Variants in DMD observed in about 807,000 individuals in gnomAD.
DMD encodes the protein dystrophin.
In DMD, 63 loss-of-function variants were observed where a neutral mutation model predicts 330.1. The ratio of observed to expected loss-of-function variants is 0.19; its 90% CI spans 0.16 to 0.24. The LOEUF is 0.24. Among genes scored for constraint, DMD ranks in the 10% least tolerant of loss-of-function variants. DMD has a pLI of 1.00. For synonymous variants in DMD, 1,223 were observed against 959.8 expected, an observed-to-expected ratio of 1.27 and a Z score of -5.07; for missense variants, 3,344 against 2,684.1, an observed-to-expected ratio of 1.25 and a Z score of -5.43.
At chrX:32,178,066 C>A (rs745664410) in intron 44 of DMD, among the ~76,000 whole-genome samples, 2 of 106,996 alleles carry the variant, frequency 1.9e-5, no homozygotes, top group Non-Finnish European at 3.8e-5. Context: ...AACAATGTTG[C>A]GGATGTTAGA....
intron 55 of DMD, among the ~76,000 whole-genome samples, chrX:31,522,363 C>CTCTCTCTCTATATATATATATA: frequency 8.1e-4 from 29 of 35,966 alleles, no homozygotes; most frequent in African/African-American, 1.1e-3. Context: ...CTCTCTCTCT[C>CTCTCTCTCTATATATATATATA]TATATATATA....
intron 55 of DMD, among the ~76,000 whole-genome samples, chrX:31,622,733 A>C (rs2078605335): frequency 9.3e-6 from 1 of 108,063 alleles, no homozygotes; most frequent in African/African-American, 3.4e-5. Flanking sequence ...ACCCCCCAAA[A>C]AAGAAAGAAA....
chrX:32,421,523 T>G (rs2098189757), intron 29 of DMD, among the ~76,000 whole-genome samples: 1 of 111,729 alleles, frequency 9.0e-6, no homozygotes, highest in East Asian at 2.8e-4. Flanking sequence ...ACTCGTGTGT[T>G]TATATGAGCA....
At chrX:32,676,734 C>T (rs1049978080) in intron 9 of DMD, among the ~76,000 whole-genome samples, 9 of 111,072 alleles carry the variant, frequency 8.1e-5, no homozygotes, top group Non-Finnish European at 1.5e-4. Flanking sequence ...AATGTTAGCC[C>T]GTGTCTTTAA....
intron 1 of DMD, among the ~76,000 whole-genome samples, chrX:33,023,355 T>C (rs772709418): frequency 4.6e-4 from 51 of 111,928 alleles, no homozygotes; most frequent in African/African-American, 1.6e-3. Context: ...CAGTTCAACA[T>C]TATGAAAACC....
chrX:32,601,216 C>T lies in DMD; in HGVS notation c.1483-5340G>A, dbSNP rs73461792. Among the ~76,000 whole-genome samples the T allele has an allele frequency of 8.6e-3, 956 of 111,380 alleles. 14 individuals carry two copies. Among genetic ancestry groups the T allele is most frequent in the African/African-American group, 0.029 (895 of 30,737 alleles). ...CCTGGCTGGTCACAGTATTGTCTAG[C>T]TTTCCATGAAGATCTATTTACGGTA... is the stretch of plus-strand genomic sequence containing the variant. On this transcript the variant is annotated intron_variant, in intron 12 of 78. Transcript: ENST00000357033.
intron 76 of DMD, among the ~76,000 whole-genome samples, chrX:31,143,393 C>G (rs1390052802): frequency 1.8e-5 from 2 of 111,491 alleles, no homozygotes; most frequent in African/African-American, 6.5e-5. Flanking sequence ...TCACCTTCCC[C>G]CATGATTGTA....
intron 2 of DMD, among the ~76,000 whole-genome samples, chrX:32,898,118 G>C (rs2085898367): frequency 8.9e-6 from 1 of 111,893 alleles, no homozygotes; most frequent in East Asian, 2.8e-4. Flanking sequence ...GTTCTGATGA[G>C]ATGTTTTGCT....
At chrX:32,407,565 C>A (rs373395564) in intron 30 of DMD, among the ~76,000 whole-genome samples, 2 of 110,813 alleles carry the variant, frequency 1.8e-5, no homozygotes, top group Non-Finnish European at 3.8e-5. Context: ...GTCACTGTGG[C>A]GATTCCTCAG....
chrX:33,080,492 T>G (rs865974114), intron 1 of DMD, among the ~76,000 whole-genome samples: 1 of 111,940 alleles, frequency 8.9e-6, no homozygotes. Flanking sequence ...AAACTGTTTC[T>G]CCAGTAACCT....
intron 44 of DMD, among the ~76,000 whole-genome samples, chrX:32,043,521 T>C (rs1240336293): frequency 1.8e-5 from 2 of 112,423 alleles, no homozygotes; most frequent in Admixed American, 1.9e-4. Flanking sequence ...TTTATTTTAA[T>C]TGAGTTAAAG....
chrX:32,611,686 T>A (rs1429528859), intron 12 of DMD, among the ~76,000 whole-genome samples: 1 of 111,624 alleles, frequency 9.0e-6, no homozygotes, highest in African/African-American at 3.2e-5. Flanking sequence ...TACTTAGCTA[T>A]GCTAACATTC....
intron 44 of DMD, among the ~76,000 whole-genome samples, chrX:32,008,909 C>A (rs1472894569): frequency 2.1e-4 from 23 of 111,103 alleles, no homozygotes; most frequent in Non-Finnish European, 4.3e-4. Context: ...TTTGCATGAA[C>A]CCAGAATATG....
chrX:32,833,460 A>G (rs1342202403), intron 4 of DMD, among the ~76,000 whole-genome samples: 1 of 110,642 alleles, frequency 9.0e-6, no homozygotes, highest in Non-Finnish European at 1.9e-5. Flanking sequence ...AAACTCAACA[A>G]AATTCCTTAT....
chrX:32,457,224 C>T (rs1338438709), intron 25 of DMD, among the ~76,000 whole-genome samples: 3 of 110,330 alleles, frequency 2.7e-5, no homozygotes, highest in Non-Finnish European at 3.8e-5. Flanking sequence ...TTTAGTAATA[C>T]GAATTCACTG....
chrX:32,870,482 C>T (rs12687584), intron 2 of DMD, among the ~76,000 whole-genome samples: 1 of 111,837 alleles, frequency 8.9e-6, no homozygotes, highest in African/African-American at 3.2e-5. Flanking sequence ...CAAGACAATC[C>T]TAAGCAAAAA....
At chrX:33,006,591 A>G (rs1037333064) in intron 2 of DMD, among the ~76,000 whole-genome samples, 1 of 111,579 alleles carries the variant, frequency 9.0e-6, no homozygotes, top group South Asian at 3.8e-4. Flanking sequence ...CAGAAGAGAG[A>G]CAAAGATCAA....
chrX:31,488,773 T>A (rs939426537), intron 57 of DMD, among the ~76,000 whole-genome samples: 7 of 112,046 alleles, frequency 6.2e-5, no homozygotes, highest in Non-Finnish European at 1.1e-4. Context: ...GTCTTCAGTT[T>A]CGCTCTTTTT....
At chrX:32,969,004 G>A (rs1216742953) in intron 2 of DMD, among the ~76,000 whole-genome samples, 1 of 81,360 alleles carries the variant, frequency 1.2e-5, no homozygotes, top group Non-Finnish European at 2.3e-5. Flanking sequence ...CTCCAGCCTG[G>A]GAGACAGAAT....
Sources: gnomAD v4.1 joint callset for allele counts (sites outside exome capture counted in the v4.1 genomes callset) on GRCh38, gnomAD v4.1.1 for gene constraint, MANE v1.5 for transcripts, NCBI Gene and HGNC (gene_info 2026-07-23, HGNC 2026-07-21) for gene names.